Variants in SCAF4 observed in about 807,000 individuals in gnomAD.
SCAF4 encodes the protein SR-related CTD associated factor 4.
In SCAF4, 25 loss-of-function variants were observed where a neutral mutation model predicts 129.8. The ratio of observed to expected loss-of-function variants is 0.19; its 90% CI spans 0.14 to 0.27. The LOEUF is 0.27. Ranked by LOEUF, SCAF4 falls within the 10% of genes least tolerant of loss-of-function variation. The pLI is 1.00. For synonymous variants in SCAF4, 551 were observed against 497.7 expected (o/e 1.11, Z -1.43); for missense variants, 1,246 against 1,457.1 (o/e 0.86, Z 2.36).
At chr21:31,688,114 CAAAAAAAAAAAAAAAA>C (rs61592268) in intron 16 of SCAF4, among the ~76,000 whole-genome samples, 177 bp downstream of exon 16, 2 of 10,908 alleles carry the variant, frequency 1.8e-4, no homozygotes, top group Non-Finnish European at 1.7e-4. Flanking sequence ...GACTCTGTCT[CAAAAAAAAAAAAAAAA>C]AAAAAAAAAA....
chr21:31,671,478 G>A lies in SCAF4; in HGVS notation c.3365C>T (p.Ser1122Phe). 1 of 1,614,182 alleles carries A rather than the reference G, an allele frequency of 6.2e-7. No homozygotes were observed. Among genetic ancestry groups the A allele is most frequent in the South Asian group, 1.1e-5 (1 of 91,084 alleles). The change falls in exon 20 of 20, where the codon TCT becomes TTT. Residue 1122 changes from serine to phenylalanine, a missense_variant. Ser to Phe is a radical substitution (Grantham distance 155). Coordinates refer to ENST00000286835, the MANE Select transcript of SCAF4 (RefSeq NM_020706.2). Reference protein sequence around the residue: ...GVSEAAVLKPSEELPAEATSS... With the variant: ...GVSEAAVLKPFEELPAEATSS... ...GGTAGCCTCAGCAGGTAACTCTTCA[G>A]AAGGCTTTAGGACTGCAGCCTCAGA...
intron 7 of SCAF4, among the ~76,000 whole-genome samples, chr21:31,699,818 G>A (rs2050478597): frequency 2.0e-5 from 3 of 152,186 alleles, no homozygotes; most frequent in Non-Finnish European, 2.9e-5. Context: ...AAACAGACAA[G>A]AGTGGAGCTG....
chr21:31,671,528 A>G lies in SCAF4; in HGVS notation c.3315T>C (p.Thr1105=), dbSNP rs370864418. Reference sequence around the variant, plus strand: ...ACACCCCCTTCTCAAGTTCTGAAGCAGTGTCTACATTTCCCACTTGGCTAA... The same window carrying G: ...ACACCCCCTTCTCAAGTTCTGAAGCGGTGTCTACATTTCCCACTTGGCTAA... ...PPISQVGNVD[T]ASELEKGVSE... Residue 1105 remains threonine, a synonymous_variant, in exon 20 of 20, where the codon ACT becomes ACC. Transcript: ENST00000286835. 3 of 1,614,092 alleles carry G rather than the reference A, an allele frequency of 1.9e-6. No individual in the cohort carries two copies. The highest frequency in any genetic ancestry group is 2.5e-6 in the Non-Finnish European group (3 of 1,180,032).
At chr21:31,725,095 T>C (rs976967211) in intron 1 of SCAF4, among the ~76,000 whole-genome samples, 2 of 152,200 alleles carry the variant, frequency 1.3e-5, no homozygotes, top group Non-Finnish European at 2.9e-5. Context: ...ACTCCTGGGA[T>C]AACAGCACAA....
At chr21:31,680,833 T>G (rs1236754023) in intron 19 of SCAF4, among the ~76,000 whole-genome samples, 2 of 152,194 alleles carry the variant, frequency 1.3e-5, no homozygotes, top group Admixed American at 1.3e-4. Context: ...AAATCCAAAC[T>G]TAAGTGAAAT....
At position 31,671,603 on chromosome 21, in the gene SCAF4, C is replaced by T; in HGVS notation, c.3240G>A (p.Lys1080=). The change falls in exon 20 of 20, where the codon AAG becomes AAA. Residue 1080 remains lysine (K), a synonymous_variant. Transcript: ENST00000286835. The part of the protein sequence containing the change: ...REKEEARGKE[K]PEVTDRAGGN... Reference sequence around the variant, plus strand: ...CACCTGCCCTGTCTGTCACCTCAGGCTTTTCCTTTCCTCGGGCTTCTTCCT... The same window carrying T: ...CACCTGCCCTGTCTGTCACCTCAGGTTTTTCCTTTCCTCGGGCTTCTTCCT... 4 of 1,614,180 alleles carry T rather than the reference C, an allele frequency of 2.5e-6. No homozygotes were observed. The highest frequency in any genetic ancestry group is 2.5e-6 in the Non-Finnish European group (3 of 1,180,040).
At chr21:31,696,020 C>T in intron 9 of SCAF4, 93 bp downstream of exon 9, 1 of 744,240 alleles carries the variant, frequency 1.3e-6, no homozygotes, top group Non-Finnish European at 2.1e-6. Context: ...ACGACTTAGC[C>T]AATTACATAG....
intron 19 of SCAF4, chr21:31,684,400 G>C (rs1298934076): frequency 6.6e-6 from 1 of 152,246 alleles, no homozygotes; most frequent in African/African-American, 2.4e-5. Context: ...CCTGCTTAAA[G>C]ATGTAAAAGA....
At chr21:31,709,847 TG>T (rs2050757966) in intron 1 of SCAF4, among the ~76,000 whole-genome samples, 3 of 110,456 alleles carry the variant, frequency 2.7e-5, no homozygotes, top group Non-Finnish European at 5.0e-5. Flanking sequence ...TGTTTTGAGA[TG>T]ATACTTAAAA....
rs367629197 is a variant in SCAF4 at position 31,673,251 on chromosome 21, T to C, written c.2489-897A>G. On this transcript the variant is annotated intron_variant, in intron 19 of 19. Transcript: ENST00000286835. ...TTCACCACTTAGGTACAGAAAAGCA[T>C]TGGAATCTCTCAATTTATCCTTTTG... Among the ~76,000 whole-genome samples the C allele has an allele frequency of 8.7e-4, 133 of 152,286 alleles. 4 individuals are homozygous for C. In the South Asian group the frequency reaches 0.027, roughly 31 times the overall value.
intron 7 of SCAF4, among the ~76,000 whole-genome samples, chr21:31,700,199 AATAATAT>A (rs1302077995): frequency 7.1e-6 from 1 of 141,032 alleles, no homozygotes; most frequent in African/African-American, 2.6e-5. Flanking sequence ...CACACACACA[AATAATAT>A]ATAATTTTAT....
chr21:31,712,209 C>G (rs1043560011), intron 1 of SCAF4, among the ~76,000 whole-genome samples: 1 of 132,176 alleles, frequency 7.6e-6, no homozygotes, highest in Non-Finnish European at 1.6e-5. Flanking sequence ...TTGATTCTCC[C>G]ATTTGTTTGT....
chr21:31,709,854 T>TAAAAAA (rs560133020), intron 1 of SCAF4, among the ~76,000 whole-genome samples: 1 of 135,620 alleles, frequency 7.4e-6, no homozygotes, highest in African/African-American at 2.7e-5. Flanking sequence ...AGATGATACT[T>TAAAAAA]AAAAAAAAAA....
In SCAF4 at chr21:31,688,492, A is replaced by C. The variant is rs762057035; in HGVS notation, c.1886-28T>G. ...GTGAGCGTGAAAGAAATTTAACAAG[A>C]GTTTACCATTTTCAGTTTGTAACTT... On this transcript the variant is annotated intron_variant, in intron 15 of 19. Coordinates refer to ENST00000286835, the MANE Select transcript of SCAF4 (RefSeq NM_020706.2). 8 of 1,575,568 alleles carry C rather than the reference A, an allele frequency of 5.1e-6. No homozygotes were observed. The Admixed American group carries it at 1.4e-4, about 27-fold the overall frequency.
chr21:31,729,776 C>A (rs187146705), intron 1 of SCAF4, among the ~76,000 whole-genome samples: 33 of 152,238 alleles, frequency 2.2e-4, no homozygotes, highest in Admixed American at 2.0e-3. Flanking sequence ...TAAGAAAATG[C>A]TCATTTTGCA....
chr21:31,712,925 A>G, intron 1 of SCAF4: 1 of 948,198 alleles, frequency 1.1e-6, no homozygotes, highest in East Asian at 1.2e-4. Flanking sequence ...GTGCTTAATA[A>G]ATGTCTTGGT....
In SCAF4 at chr21:31,672,254, T is replaced by C; in HGVS notation, c.2589A>G (p.Pro863=). 6.2e-7 allele frequency: 1 copy of C among 1,613,132 alleles called. No individual in the cohort carries two copies. Among genetic ancestry groups the C allele is most frequent in the South Asian group, 1.1e-5 (1 of 90,980 alleles). The change falls in exon 20 of 20, where the codon CCA becomes CCG. Residue 863 remains proline, a synonymous_variant. Coordinates refer to ENST00000286835, the MANE Select transcript of SCAF4 (RefSeq NM_020706.2). ...GCTGTAAGTGAGGTGGGGGCATTCC[T>C]GGAGGGCGCTGGAGTGGGATGAGAC... ...RPGLIPLQRP[P]GMPPPHLQRF...
intron 1 of SCAF4, among the ~76,000 whole-genome samples, chr21:31,715,023 A>G (rs759642222): frequency 6.6e-6 from 1 of 152,216 alleles, no homozygotes; most frequent in Non-Finnish European, 1.5e-5. Context: ...CTTTTGTATT[A>G]GTTTCCTATT....
chr21:31,714,652 T>C (rs188517440), intron 1 of SCAF4, among the ~76,000 whole-genome samples: 212 of 152,320 alleles, frequency 1.4e-3, no homozygotes, highest in African/African-American at 4.7e-3. Flanking sequence ...TCACAATGTT[T>C]AGGGATTAGT....
Sources: gnomAD v4.1 joint callset for allele counts (sites outside exome capture counted in the v4.1 genomes callset) on GRCh38, gnomAD v4.1.1 for gene constraint, MANE v1.5 for transcripts, NCBI Gene and HGNC (gene_info 2026-07-23, HGNC 2026-07-21) for gene names.